Variants in IQSEC1 observed in about 807,000 individuals in gnomAD.
IQSEC1 encodes the protein IQ motif and Sec7 domain ArfGEF 1.
IQSEC1 carries 31 observed loss-of-function variants against 91.0 expected under a neutral mutation model. The ratio of observed to expected loss-of-function variants is 0.34; its 90% CI spans 0.26 to 0.46. The LOEUF (loss-of-function observed/expected upper bound fraction) is 0.46, where lower values mean the gene tolerates loss of function less well. Among genes scored for constraint, IQSEC1 ranks in the 20% least tolerant of loss-of-function variants. The probability of loss-of-function intolerance (pLI) is 1.00; values close to 1 mark genes in which losing one functional copy is unlikely to be tolerated. For synonymous variants in IQSEC1, 699 were observed against 662.6 expected, an observed-to-expected ratio of 1.05 and a Z score of -0.84; for missense variants, 1,388 against 1,575.6, an observed-to-expected ratio of 0.88 and a Z score of 2.02.
At chr3:13,277,083 T>G (rs1695696854) in intron 1 of IQSEC1, among the ~76,000 whole-genome samples, 1 of 115,176 alleles carries the variant, frequency 8.7e-6, no homozygotes, top group South Asian at 3.0e-4. Flanking sequence ...ACTTCCCAAG[T>G]TAGGCAAAGC....
intron 1 of IQSEC1, chr3:13,047,359 G>A: frequency 2.6e-6 from 1 of 384,078 alleles, no homozygotes; most frequent in Non-Finnish European, 3.6e-6. Flanking sequence ...GAATTTCAGG[G>A]CCAAATGGTG....
chr3:13,180,517 G>T (rs1290189286), intron 1 of IQSEC1, among the ~76,000 whole-genome samples: 1 of 152,122 alleles, frequency 6.6e-6, no homozygotes, highest in Non-Finnish European at 1.5e-5. Context: ...TGTGGGTGGG[G>T]CCAGATAAGA....
rs3836366 is a variant in IQSEC1 at position 12,902,206 on chromosome 3, TATC to T, written c.2805+564_2805+566del. Among the ~76,000 whole-genome samples, 64 of 151,930 alleles carry T rather than the reference TATC, an allele frequency of 4.2e-4. No individual in the cohort carries two copies. The East Asian group carries it at 5.4e-3, about 13-fold the overall frequency. ...AGAGATGGCCGGAGGATGAGTGAAA[TATC>T]ATGAAATCCACACTGAATCTCTTTC... On this transcript the variant is annotated intron_variant, in intron 13 of 13. Coordinates refer to ENST00000613206, the MANE Select transcript of IQSEC1 (RefSeq NM_001134382.3).
intron 1 of IQSEC1, among the ~76,000 whole-genome samples, chr3:13,171,840 G>T (rs1693621035): frequency 6.6e-6 from 1 of 152,210 alleles, no homozygotes; most frequent in African/African-American, 2.4e-5. Flanking sequence ...CCCAGGGCTT[G>T]GTGTGTGAGA....
chr3:13,260,742 C>T (rs1290927410), intron 1 of IQSEC1, among the ~76,000 whole-genome samples: 1 of 151,274 alleles, frequency 6.6e-6, no homozygotes, highest in African/African-American at 2.4e-5. Context: ...GCCGGCTCCA[C>T]AGTCCTCCTG....
intron 2 of IQSEC1, among the ~76,000 whole-genome samples, chr3:13,090,983 C>G (rs1705850268): frequency 1.3e-5 from 2 of 152,308 alleles, no homozygotes; most frequent in South Asian, 4.1e-4. Flanking sequence ...CCTGACCAGC[C>G]AGGAGGAAGA....
At chr3:12,980,418 G>A (rs927485627) in intron 1 of IQSEC1, among the ~76,000 whole-genome samples, 1 of 152,216 alleles carries the variant, frequency 6.6e-6, no homozygotes, top group South Asian at 2.1e-4. Flanking sequence ...GATCCATGAT[G>A]AGCATCCCTC....
intron 2 of IQSEC1, among the ~76,000 whole-genome samples, chr3:13,105,654 C>G (rs1258269294): frequency 6.6e-6 from 1 of 152,134 alleles, no homozygotes; most frequent in African/African-American, 2.4e-5. Flanking sequence ...ATCTAAGAGT[C>G]CCCCTAGAGC....
intron 1 of IQSEC1, among the ~76,000 whole-genome samples, chr3:13,190,317 A>G (rs1186699804): frequency 1.3e-5 from 2 of 152,176 alleles, no homozygotes; most frequent in African/African-American, 4.8e-5. Flanking sequence ...CACGCCCGAA[A>G]TCCCAACACT....
rs1014935047 is a variant in IQSEC1, at chr3:12,937,964, C to G, written c.319-1267G>C. On this transcript the variant is annotated intron_variant, in intron 2 of 13. Coordinates refer to ENST00000613206, the MANE Select transcript of IQSEC1 (RefSeq NM_001134382.3). ...CATGCAGGGAGAGGGCGGGGTGAAC[C>G]CTGGGTGCTTCAGCGGGACACACAG... 2.0e-5 allele frequency among the ~76,000 whole-genome samples: 3 copies of G among 152,152 alleles called. No homozygotes were observed. In the South Asian group the frequency reaches 6.2e-4, roughly 32 times the overall value.
rs139422826 is a variant in IQSEC1 at position 12,920,590 on chromosome 3, G to C, written c.1860C>G (p.Arg620=). The C allele has an allele frequency of 1.7e-5, 28 of 1,613,884 alleles. No individual in the cohort carries two copies. Among genetic ancestry groups the C allele is most frequent in the Non-Finnish European group, 2.0e-5 (24 of 1,179,998 alleles). ...CCACCCCAGGGTTGCAGATGCAGTA[G>C]CGCTGGCTGCGGGCCGGGAGGGAGG... ...VERLIEAFSQ[R]YCICNPGVVR... Residue 620 remains arginine, a synonymous_variant, in exon 6 of 14, where the codon CGC becomes CGG. Coordinates refer to ENST00000613206, the MANE Select transcript of IQSEC1 (RefSeq NM_001134382.3).
intron 1 of IQSEC1, among the ~76,000 whole-genome samples, chr3:13,045,671 G>A (rs927713110): frequency 6.6e-6 from 1 of 152,254 alleles, no homozygotes; most frequent in African/African-American, 2.4e-5. Context: ...TTCCTGGGCT[G>A]GCCTCGAGCA....
Position 12,901,362 on chromosome 3 carries a change from G to A in IQSEC1, c.2966C>T (p.Ala989Val). ...TGGGTGGGGGGGTGGCAGGGCTGGGGCTGAGGGCAGGTGGGCCTGGGGAGG... is the reference window on the plus strand; with the variant it reads ...TGGGTGGGGGGGTGGCAGGGCTGGGACTGAGGGCAGGTGGGCCTGGGGAGG... ...KPPPQAHLPSAPALPPPHPPV... is the reference protein window; with the variant it reads ...KPPPQAHLPSVPALPPPHPPV... Residue 989 changes from alanine to valine, a missense_variant, in exon 14 of 14, where the codon GCC becomes GTC. Transcript: ENST00000613206. 4 of 1,536,080 alleles carry A rather than the reference G, an allele frequency of 2.6e-6. No individual in the cohort carries two copies. Among genetic ancestry groups the A allele is most frequent in the East Asian group, 2.5e-5 (1 of 40,622 alleles).
At chr3:13,049,912 C>T (rs79133620) in intron 1 of IQSEC1, among the ~76,000 whole-genome samples, 2,068 of 152,270 alleles carry the variant, frequency 0.014, 56 homozygotes, top group African/African-American at 0.046. Context: ...ACAGTACGGT[C>T]GCTGAAGTCT....
intron 2 of IQSEC1, among the ~76,000 whole-genome samples, chr3:13,079,642 C>T (rs759896304): frequency 8.5e-5 from 13 of 152,222 alleles, no homozygotes; most frequent in Non-Finnish European, 1.6e-4. Context: ...GAGGAGCCTG[C>T]ATGAGAGGCT....
chr3:12,984,326 T>G (rs1701618149), intron 1 of IQSEC1, among the ~76,000 whole-genome samples: 1 of 152,184 alleles, frequency 6.6e-6, no homozygotes, highest in Non-Finnish European at 1.5e-5. Flanking sequence ...AGTTTCACCA[T>G]CCACATGTAG....
intron 1 of IQSEC1, among the ~76,000 whole-genome samples, chr3:13,167,590 A>C (rs911705321): frequency 2.0e-5 from 3 of 152,132 alleles, no homozygotes; most frequent in Admixed American, 6.5e-5. Flanking sequence ...GCCTGGTGGC[A>C]CTTGGGGGGG....
intron 2 of IQSEC1, among the ~76,000 whole-genome samples, chr3:13,142,019 C>T (rs1706807676): frequency 6.6e-6 from 1 of 152,154 alleles, no homozygotes. Context: ...ATAGAAGGGC[C>T]CAGATCCTCC....
chr3:12,951,333 G>A (rs1699529926), intron 1 of IQSEC1, among the ~76,000 whole-genome samples: 1 of 151,980 alleles, frequency 6.6e-6, no homozygotes, highest in Non-Finnish European at 1.5e-5. Flanking sequence ...TAAGGCGCGA[G>A]AACTGCTTAA....
Sources: gnomAD v4.1 joint callset for allele counts (sites outside exome capture counted in the v4.1 genomes callset) on GRCh38, gnomAD v4.1.1 for gene constraint, MANE v1.5 for transcripts, NCBI Gene and HGNC (gene_info 2026-07-23, HGNC 2026-07-21) for gene names.